Variants in BTN3A2 observed in about 807,000 individuals in gnomAD.
BTN3A2 encodes the protein butyrophilin protein.
BTN3A2 carries 25 observed loss-of-function variants against 37.6 expected under a neutral mutation model. The observed-to-expected ratio is 0.66, with a 90% CI of 0.48 to 0.93. The LOEUF (loss-of-function observed/expected upper bound fraction) is 0.93. Ranked by LOEUF, BTN3A2 falls within the 40% of genes least tolerant of loss-of-function variation. BTN3A2 has a pLI of 0.00. For synonymous variants in BTN3A2, 122 were observed against 159.4 expected, an observed-to-expected ratio of 0.77 and a Z score of 1.77; for missense variants, 266 against 410.9, an observed-to-expected ratio of 0.65 and a Z score of 3.05.
intron 1 of BTN3A2, among the ~76,000 whole-genome samples, chr6:26,366,798 C>T (rs1000056196): frequency 6.6e-6 from 1 of 152,218 alleles, no homozygotes; most frequent in Non-Finnish European, 1.5e-5. Context: ...CCCACAGCAG[C>T]TGGTATGATG....
chr6:26,375,806 T>C lies in BTN3A2; in HGVS notation c.*44T>C. On this transcript the variant is annotated 3_prime_UTR_variant, in exon 11 of 11. Coordinates refer to ENST00000377708, the MANE Select transcript of BTN3A2 (RefSeq NM_007047.5). The stretch of plus-strand genomic sequence containing the variant: ...TATCCCCATTTTTCAGGTGAGGAAA[T>C]GCTTCAGATGAGGCTCCACCTTGTT... 6.5e-7 allele frequency: 1 copy of C among 1,550,286 alleles called. No individual in the cohort carries two copies. Among genetic ancestry groups the C allele is most frequent in the Non-Finnish European group, 8.7e-7 (1 of 1,146,190 alleles).
chr6:26,371,272 A>T (rs1430436915), intron 5 of BTN3A2, among the ~76,000 whole-genome samples: 1 of 145,312 alleles, frequency 6.9e-6, no homozygotes, highest in East Asian at 1.9e-4. Context: ...AAAAATAAAT[A>T]AAATAAAATA....
Position 26,377,118 on chromosome 6 carries a change from G to C in BTN3A2, c.*1356G>C, listed in dbSNP as rs1417409063. The C allele has an allele frequency of 1.1e-5, 15 of 1,315,710 alleles. No individual in the cohort carries two copies. The highest frequency in any genetic ancestry group is 1.5e-5 in the Non-Finnish European group (14 of 909,392). 81.5% of individuals were successfully genotyped at this position (1,315,710 alleles called of 1,614,324 possible). ...AATACCAAAAGTAGAGAGTTCCCCC[G>C]ATCCCGACCTAGTGCCTGATCATTC... On this transcript the variant is annotated 3_prime_UTR_variant, in exon 11 of 11. Coordinates refer to ENST00000377708, the MANE Select transcript of BTN3A2 (RefSeq NM_007047.5).
At chr6:26,367,419 T>C (rs1479779623) in intron 1 of BTN3A2, among the ~76,000 whole-genome samples, 5 of 152,236 alleles carry the variant, frequency 3.3e-5, no homozygotes, top group African/African-American at 9.6e-5. Context: ...TCATACTCGA[T>C]ATTTTTGAGT....
Position 26,377,538 on chromosome 6 carries a change from CCT to C in BTN3A2, c.*1778_*1779del. 4 of 270,182 alleles carry C rather than the reference CCT, an allele frequency of 1.5e-5. No individual in the cohort carries two copies. Among genetic ancestry groups the C allele is most frequent in the East Asian group, 9.2e-5 (1 of 10,838 alleles). 16.7% of individuals were successfully genotyped at this position (270,182 alleles called of 1,614,324 possible). ...CTTTGGTGGGTGTCACTCCTTTAAT[CCT>C]CACAACACCCTGTCAGGTAGTCTCA... On this transcript the variant is annotated 3_prime_UTR_variant, in exon 11 of 11. Coordinates refer to ENST00000377708, the MANE Select transcript of BTN3A2 (RefSeq NM_007047.5).
At chr6:26,373,332 T>C in intron 7 of BTN3A2, 36 bp downstream of exon 7, 1 of 1,609,578 alleles carries the variant, frequency 6.2e-7, no homozygotes, top group Non-Finnish European at 8.5e-7. Context: ...CAGACATGTC[T>C]TCCTATCCTC....
chr6:26,365,369 G>T lies in BTN3A2; in HGVS notation c.-67+17G>T. ...TACCAAGGGGTAAGTGCAGGAAATTGATTAGAGCCTGGGCTACAACGCATG... is the reference window on the plus strand; with the variant it reads ...TACCAAGGGGTAAGTGCAGGAAATTTATTAGAGCCTGGGCTACAACGCATG... On this transcript the variant is annotated intron_variant, in intron 1 of 10. Coordinates refer to ENST00000377708, the MANE Select transcript of BTN3A2 (RefSeq NM_007047.5). 1 of 1,536,138 alleles carries T rather than the reference G, an allele frequency of 6.5e-7. No individual in the cohort carries two copies. Among genetic ancestry groups the T allele is most frequent in the Non-Finnish European group, 8.7e-7 (1 of 1,146,834 alleles).
chr6:26,374,794 G>A lies in BTN3A2; in HGVS notation c.*30G>A. On this transcript the variant is annotated 3_prime_UTR_variant, in exon 10 of 11. Transcript: ENST00000377708. ...AGAATGGAAAAATGGCCCTCTTCAAGCCTGGTGAGTAAATCACTGCATGTT... is the reference window on the plus strand; with the variant it reads ...AGAATGGAAAAATGGCCCTCTTCAAACCTGGTGAGTAAATCACTGCATGTT... 2.6e-6 allele frequency: 4 copies of A among 1,524,396 alleles called. No individual in the cohort carries two copies. The highest frequency in any genetic ancestry group is 1.7e-4 in the Middle Eastern group (1 of 5,874). The allele number at this position is 1,524,396 out of a possible 1,614,324, so 94.4% of individuals were successfully genotyped here. A position where few individuals can be genotyped will look rare whatever the true frequency, so the allele number is the denominator to read the frequency against.
At position 26,376,570 on chromosome 6, in the gene BTN3A2, C is replaced by T; in HGVS notation, c.*808C>T. ...CATGGACACCTCCTCAAACTCTCTGCAGCAGATGTAATTCTGTATCCAGAC... is the reference window on the plus strand; with the variant it reads ...CATGGACACCTCCTCAAACTCTCTGTAGCAGATGTAATTCTGTATCCAGAC... On this transcript the variant is annotated 3_prime_UTR_variant, in exon 11 of 11. Coordinates refer to ENST00000377708, the MANE Select transcript of BTN3A2 (RefSeq NM_007047.5). 1.4e-6 allele frequency: 2 copies of T among 1,395,542 alleles called. No homozygotes were observed. The highest frequency in any genetic ancestry group is 2.0e-6 in the Non-Finnish European group (2 of 1,021,206). The allele number at this position is 1,395,542 out of a possible 1,614,324, so 86.4% of individuals were successfully genotyped here. A position where few individuals can be genotyped will look rare whatever the true frequency, so the allele number is the denominator to read the frequency against.
rs1034480743 is a variant in BTN3A2 at position 26,374,957 on chromosome 6, G to C, written c.*34+159G>C. ...TAAAGGGTGGAGGTGAAGGGAAGGA[G>C]ACACACACTGAGTAATACTGCAGGG... On this transcript the variant is annotated intron_variant, in intron 10 of 10. Transcript: ENST00000377708. 7.3e-6 allele frequency: 5 copies of C among 684,524 alleles called. No homozygotes were observed. In the African/African-American group the frequency reaches 9.1e-5, roughly 12 times the overall value. The allele number at this position is 684,524 out of a possible 1,614,324, so 42.4% of individuals were successfully genotyped here. A position where few individuals can be genotyped will look rare whatever the true frequency, so the allele number is the denominator to read the frequency against.
At chr6:26,373,158 A>ACCTCTCT (rs1760293565) in intron 6 of BTN3A2, 61 bp downstream of exon 6, 3 of 1,596,648 alleles carry the variant, frequency 1.9e-6, no homozygotes, top group Non-Finnish European at 2.6e-6. Flanking sequence ...TGAAAACCTC[A>ACCTCTCT]CCTCTCTCCC....
At position 26,376,881 on chromosome 6, in the gene BTN3A2, C is replaced by T. The variant is rs1474422794; in HGVS notation, c.*1119C>T. ...GGGCCTGACTGATGGGAATAAGTAT[C>T]GGGCTCTCACTGAGCCCAGAACCAA... On this transcript the variant is annotated 3_prime_UTR_variant, in exon 11 of 11. Coordinates refer to ENST00000377708, the MANE Select transcript of BTN3A2 (RefSeq NM_007047.5). 1.2e-5 allele frequency: 19 copies of T among 1,613,956 alleles called. No individual in the cohort carries two copies. Among genetic ancestry groups the T allele is most frequent in the Admixed American group, 5.0e-5 (3 of 60,014 alleles).
Position 26,370,289 on chromosome 6 carries a change from A to G in BTN3A2, c.434-33A>G, listed in dbSNP as rs763488952. The G allele has an allele frequency of 1.2e-5, 19 of 1,609,244 alleles. 1 individual carries two copies. In the South Asian group the frequency reaches 2.1e-4, roughly 18 times the overall value. ...TGAGACCCTCCCTAATACAGGAGCT[A>G]TCCAGAATTTAGGCCAAATTATCCT... On this transcript the variant is annotated intron_variant, in intron 4 of 10. Transcript: ENST00000377708.
At chr6:26,366,037 C>T (rs1581531173) in intron 1 of BTN3A2, among the ~76,000 whole-genome samples, 2 of 152,154 alleles carry the variant, frequency 1.3e-5, no homozygotes, top group Middle Eastern at 3.4e-3. Context: ...ACTTGGTTTT[C>T]TTTCCATTCA....
intron 8 of BTN3A2, 86 bp from the exon 9 acceptor site, chr6:26,374,241 G>C: frequency 1.3e-5 from 3 of 224,794 alleles, no homozygotes; most frequent in East Asian, 9.6e-5. Flanking sequence ...AAAAAAAAAA[G>C]ACTAGATGGA....
At chr6:26,372,049 G>A (rs1374880561) in intron 5 of BTN3A2, among the ~76,000 whole-genome samples, 2 of 152,044 alleles carry the variant, frequency 1.3e-5, no homozygotes, top group African/African-American at 4.8e-5. Context: ...TCACTGCCAG[G>A]GAACTTCCAT....
At chr6:26,370,068 T>A (rs973951503) in intron 4 of BTN3A2, among the ~76,000 whole-genome samples, 8 of 152,232 alleles carry the variant, frequency 5.3e-5, no homozygotes, top group African/African-American at 1.9e-4. Context: ...AATCTCTTCT[T>A]TTTTGTGTTC....
chr6:26,374,318 T>C lies in BTN3A2; in HGVS notation c.965-9T>C, dbSNP rs1561809995. ...TTCTGGTGACACCTCTACCTTTCTT[T>C]CATTGTAGGTGGAGAGGAGTCTTCG... On this transcript the variant is annotated splice_polypyrimidine_tract_variant and intron_variant, in intron 8 of 10. Transcript: ENST00000377708. 6.2e-7 allele frequency: 1 copy of C among 1,611,218 alleles called. No individual in the cohort carries two copies. Among genetic ancestry groups the C allele is most frequent in the Non-Finnish European group, 8.5e-7 (1 of 1,178,944 alleles).
Position 26,370,312 on chromosome 6 carries a change from C to T in BTN3A2, c.434-10C>T. 6.2e-7 allele frequency: 1 copy of T among 1,612,738 alleles called. No homozygotes were observed. Among genetic ancestry groups the T allele is most frequent in the Non-Finnish European group, 8.5e-7 (1 of 1,178,816 alleles). On this transcript the variant is annotated splice_polypyrimidine_tract_variant and intron_variant, in intron 4 of 10. Coordinates refer to ENST00000377708, the MANE Select transcript of BTN3A2 (RefSeq NM_007047.5). ...CTATCCAGAATTTAGGCCAAATTAT[C>T]CTTCCACAGCACTGGGTTCTAATCT...
Sources: allele counts gnomAD v4.1 joint callset (sites outside exome capture counted in the v4.1 genomes callset), GRCh38; gene constraint gnomAD v4.1.1; transcripts MANE v1.5; gene names NCBI Gene and HGNC (gene_info 2026-07-23, HGNC 2026-07-21).